CASC3: variants seen among roughly 807,000 people sequenced by gnomAD.
CASC3 encodes CASC3 exon junction complex subunit, also known as protein CASC3.
A neutral mutation model predicts 80.5 loss-of-function variants in CASC3; 30 were observed. That is an observed-to-expected ratio of 0.37 (90% CI 0.28 to 0.51). CASC3 has a LOEUF of 0.51. CASC3 is among the 20% of genes least tolerant of loss of function. The pLI is 0.94. For synonymous variants in CASC3, 312 were observed against 333.6 expected, an observed-to-expected ratio of 0.94 and a Z score of 0.70; for missense variants, 824 against 922.2, an observed-to-expected ratio of 0.89 and a Z score of 1.38.
chr17:40,170,969 C>T lies in CASC3; in HGVS notation c.*564C>T. 1 of 985,478 alleles carries T rather than the reference C, an allele frequency of 1.0e-6. No homozygotes were observed. Among genetic ancestry groups the T allele is most frequent in the Non-Finnish European group, 1.2e-6 (1 of 829,938 alleles). 61.0% of individuals were successfully genotyped at this position (985,478 alleles called of 1,614,324 possible). A position where few individuals can be genotyped will look rare whatever the true frequency, so the allele number is the denominator to read the frequency against. ...GCATCCCAGATAATGGAGAATGTAT[C>T]AGCCAGCCTTCCCCACCAAGTCTAA... On this transcript the variant is annotated 3_prime_UTR_variant, in exon 14 of 14. Coordinates refer to ENST00000264645, the MANE Select transcript of CASC3 (RefSeq NM_007359.5).
At chr17:40,143,997 A>T (rs771751158) in intron 3 of CASC3, among the ~76,000 whole-genome samples, 19 of 152,058 alleles carry the variant, frequency 1.2e-4, no homozygotes, top group Non-Finnish European at 2.2e-4. Flanking sequence ...CACACCTGTA[A>T]TCCCAGCACT....
intron 3 of CASC3, among the ~76,000 whole-genome samples, chr17:40,152,254 C>T (rs1369392370): frequency 6.6e-6 from 1 of 152,188 alleles, no homozygotes; most frequent in African/African-American, 2.4e-5. Context: ...CCTCCCACCT[C>T]AGCCTCCTCA....
chr17:40,155,570 C>T (rs552598092), intron 3 of CASC3, among the ~76,000 whole-genome samples: 35 of 152,270 alleles, frequency 2.3e-4, no homozygotes, highest in African/African-American at 7.5e-4. Flanking sequence ...TTCCTGTCAA[C>T]GACAGGCCCG....
At chr17:40,164,777 A>G (rs1472789725) in intron 7 of CASC3, among the ~76,000 whole-genome samples, 2 of 41,978 alleles carry the variant, frequency 4.8e-5, no homozygotes, top group Non-Finnish European at 7.5e-5. Context: ...TTTTTTTGTG[A>G]CAGAGACTTG....
chr17:40,167,671 C>T lies in CASC3; in HGVS notation c.1651+59C>T, dbSNP rs191588369. On this transcript the variant is annotated intron_variant, in intron 9 of 13. Transcript: ENST00000264645. ...TGGCAGGGTGAAGTGAAGTAAGATA[C>T]CAGGCTCCTGGCTCCTGAATTTCTC... The T allele has an allele frequency of 5.9e-3, 8,246 of 1,390,534 alleles. 41 individuals carry two copies. The highest frequency in any genetic ancestry group is 7.2e-3 in the Non-Finnish European group (7,073 of 980,192). 86.1% of individuals were successfully genotyped at this position (1,390,534 alleles called of 1,614,324 possible).
intron 9 of CASC3, 99 bp from the exon 10 acceptor site, chr17:40,167,751 T>C: frequency 7.7e-7 from 1 of 1,306,692 alleles, no homozygotes; most frequent in East Asian, 2.3e-5. Context: ...TTTCTTCGCA[T>C]GGAATATTGA....
intron 2 of CASC3, 76 bp from the exon 3 acceptor site, chr17:40,141,494 T>A (rs912224491): frequency 5.6e-5 from 69 of 1,229,196 alleles, no homozygotes; most frequent in Non-Finnish European, 7.1e-6. Context: ...AATGAGACTC[T>A]TAGTCTGACC....
chr17:40,170,880 T>C lies in CASC3; in HGVS notation c.*475T>C, dbSNP rs1327130755. The C allele has an allele frequency of 1.0e-6, 1 of 985,402 alleles. No homozygotes were observed. Among genetic ancestry groups the C allele is most frequent in the Non-Finnish European group, 1.2e-6 (1 of 829,880 alleles). The allele number at this position is 985,402 out of a possible 1,614,324, so 61.0% of individuals were successfully genotyped here. A position where few individuals can be genotyped will look rare whatever the true frequency, so the allele number is the denominator to read the frequency against. On this transcript the variant is annotated 3_prime_UTR_variant, in exon 14 of 14. Coordinates refer to ENST00000264645, the MANE Select transcript of CASC3 (RefSeq NM_007359.5). ...GTTTCTTGCTCTCTCTCCCTGCCTT[T>C]AAATGAAACAAGTCTAGTCTTCTGG...
intron 3 of CASC3, among the ~76,000 whole-genome samples, chr17:40,153,320 T>A (rs567354295): frequency 6.6e-5 from 10 of 150,612 alleles, no homozygotes; most frequent in African/African-American, 1.9e-4. Context: ...AATGTCAAAA[T>A]TTTTTTTTTA....
chr17:40,151,619 A>G (rs534430584), intron 3 of CASC3, among the ~76,000 whole-genome samples: 16 of 150,790 alleles, frequency 1.1e-4, no homozygotes, highest in South Asian at 4.2e-4. Flanking sequence ...GTTTGAGCCC[A>G]GGAGGTCAAG....
intron 2 of CASC3, 148 bp downstream of exon 2, chr17:40,141,382 C>G (rs1988712713): frequency 1.1e-6 from 1 of 870,498 alleles, no homozygotes; most frequent in South Asian, 1.5e-5. Context: ...AGAGCATAGG[C>G]TTTAGCAGTA....
chr17:40,142,995 G>A (rs924639396), intron 3 of CASC3, among the ~76,000 whole-genome samples: 3 of 151,432 alleles, frequency 2.0e-5, no homozygotes, highest in African/African-American at 7.3e-5. Flanking sequence ...GCTGAGACAC[G>A]AAAATCGTTT....
intron 3 of CASC3, among the ~76,000 whole-genome samples, chr17:40,143,306 C>T (rs972271577): frequency 6.6e-6 from 1 of 151,408 alleles, no homozygotes; most frequent in African/African-American, 2.4e-5. Context: ...ATTAGCAGCT[C>T]ATGGTCCCGC....
rs116216545 is a variant in CASC3, at chr17:40,171,411, G to A, written c.*1006G>A. ...TTGCTACACCCCTTTTCCAGTTGCT[G>A]TGGACCAATGCATCTCTTTAAAGGC... On this transcript the variant is annotated 3_prime_UTR_variant, in exon 14 of 14. Transcript: ENST00000264645. 2,631 of 986,102 alleles carry A rather than the reference G, an allele frequency of 2.7e-3. 50 individuals carry two copies. The African/African-American group carries it at 0.033, about 12-fold the overall frequency. The allele number at this position is 986,102 out of a possible 1,614,324, so 61.1% of individuals were successfully genotyped here.
At position 40,171,193 on chromosome 17, in the gene CASC3, G is replaced by C. The variant is rs1312738539; in HGVS notation, c.*788G>C. ...GAGCATCCATCAATACCTGTACTATGATGGGCTTCTGTTCTCTGCTGAGGG... is the reference window on the plus strand; with the variant it reads ...GAGCATCCATCAATACCTGTACTATCATGGGCTTCTGTTCTCTGCTGAGGG... On this transcript the variant is annotated 3_prime_UTR_variant, in exon 14 of 14. Coordinates refer to ENST00000264645, the MANE Select transcript of CASC3 (RefSeq NM_007359.5). 2 of 985,836 alleles carry C rather than the reference G, an allele frequency of 2.0e-6. No homozygotes were observed. Among genetic ancestry groups the C allele is most frequent in the African/African-American group, 1.7e-5 (1 of 57,218 alleles). The allele number at this position is 985,836 out of a possible 1,614,324, so 61.1% of individuals were successfully genotyped here.
In CASC3 at chr17:40,163,708, G is replaced by T; in HGVS notation, c.1013G>T (p.Arg338Leu). Reference sequence around the variant, plus strand: ...GAAGCTGGTGGGCAGCATGGTGGCCGGTCTGGTGAGACTGTTAAGCATGAG... The same window carrying T: ...GAAGCTGGTGGGCAGCATGGTGGCCTGTCTGGTGAGACTGTTAAGCATGAG... ...PVEAGGQHGG[R>L]SGETVKHEIS... Residue 338 changes from arginine to leucine, a missense_variant, in exon 7 of 14, where the codon CGG (arginine) becomes CTG (leucine). By Grantham distance (102) the Arg-to-Leu change is moderately radical (BLOSUM62 -2). Coordinates refer to ENST00000264645, the MANE Select transcript of CASC3 (RefSeq NM_007359.5). The T allele has an allele frequency of 1.2e-6, 2 of 1,614,118 alleles. No homozygotes were observed. Among genetic ancestry groups the T allele is most frequent in the Non-Finnish European group, 1.7e-6 (2 of 1,180,020 alleles).
Position 40,140,635 on chromosome 17 carries a change from G to T in CASC3, c.87G>T (p.Pro29=), listed in dbSNP as rs769830307. 151 of 1,607,038 alleles carry T rather than the reference G, an allele frequency of 9.4e-5. 3 individuals carry two copies. In the African/African-American group the frequency reaches 1.4e-3, roughly 15 times the overall value. ...GASGSDSGGS[P]LRGGGSCSGS... ...CGGGCTCCGACAGCGGCGGCTCCCC[G>T]TTGCGGGGAGGCGGGAGCTGCAGCG... Residue 29 remains proline, a synonymous_variant, in exon 1 of 14, where the codon CCG becomes CCT. Coordinates refer to ENST00000264645, the MANE Select transcript of CASC3 (RefSeq NM_007359.5).
intron 7 of CASC3, among the ~76,000 whole-genome samples, chr17:40,166,584 G>A (rs1989454165): frequency 6.6e-6 from 1 of 152,144 alleles, no homozygotes; most frequent in Non-Finnish European, 1.5e-5. Context: ...TCATTTTCAA[G>A]GGCTTTATTG....
In CASC3 at chr17:40,171,492, C is replaced by CT; in HGVS notation, c.*1090dup. 1.0e-6 allele frequency: 1 copy of CT among 987,812 alleles called. No homozygotes were observed. The highest frequency in any genetic ancestry group is 1.2e-6 in the Non-Finnish European group (1 of 831,092). 61.2% of individuals were successfully genotyped at this position (987,812 alleles called of 1,614,324 possible). On this transcript the variant is annotated 3_prime_UTR_variant, in exon 14 of 14. Transcript: ENST00000264645. ...CCTTTGCAATTGCTCTTCTCCACGT[C>CT]TTTCCTGCTACAAGTGTTTTAGATG...
Sources: allele counts gnomAD v4.1 joint callset (sites outside exome capture counted in the v4.1 genomes callset), GRCh38; gene constraint gnomAD v4.1.1; transcripts MANE v1.5; gene names NCBI Gene and HGNC (gene_info 2026-07-23, HGNC 2026-07-21).